CDH3: variants seen among roughly 807,000 people sequenced by gnomAD.
CDH3 encodes cadherin 3.
Under a neutral mutation model 82.0 loss-of-function variants are expected in CDH3, and 54 were observed. That is an observed-to-expected ratio of 0.66 (90% CI 0.53 to 0.83). CDH3 has a LOEUF of 0.83. Ranked by LOEUF, CDH3 falls within the 40% of genes least tolerant of loss-of-function variation. CDH3 has a pLI of 0.00. For missense variants in CDH3, 1,054 were observed against 1,084.6 expected, an observed-to-expected ratio of 0.97 and a Z score of 0.40; for synonymous variants, 446 against 437.9, an observed-to-expected ratio of 1.02 and a Z score of -0.23.
At chr16:68,681,207 A>G in intron 8 of CDH3, 111 bp downstream of exon 8, 2 of 1,217,522 alleles carry the variant, frequency 1.6e-6, no homozygotes, top group Admixed American at 1.7e-5. Context: ...TCTCAGCACT[A>G]TGGCTGTGTG....
At chr16:68,731,377 A>T (rs1466830699), downstream of CDH3, among the ~76,000 whole-genome samples, 1 of 9,160 alleles carries the variant, frequency 1.1e-4, no homozygotes, top group Non-Finnish European at 2.2e-4. Flanking sequence ...TCAAAAAAAA[A>T]AAAAAAAAAA....
intron 11 of CDH3, among the ~76,000 whole-genome samples, 180 bp downstream of exon 11, chr16:68,685,530 A>G (rs1025247713): frequency 6.6e-6 from 1 of 152,204 alleles, no homozygotes; most frequent in Non-Finnish European, 1.5e-5. Context: ...CCTAGGCCGG[A>G]TGCAGTGGCT....
rs1960037229 is a variant in CDH3 at position 68,645,711 on chromosome 16, G to GGAGGCGC, written c.123_129dup (p.Glu44ArgfsTer26). ...GGAGGCTGAAGTGACCTTGGAGGCGGGAGGCGCGGAGCAGGAGCCCGGCCA... is the reference window on the plus strand; with the variant it reads ...GGAGGCTGAAGTGACCTTGGAGGCGGGAGGCGCGAGGCGCGGAGCAGGAGCCCGGCCA... On this transcript the variant is annotated frameshift_variant, in exon 2 of 16. Transcript: ENST00000264012. LOFTEE classifies it high-confidence loss of function. 7 of 1,545,754 alleles carry GGAGGCGC rather than the reference G, an allele frequency of 4.5e-6. No individual in the cohort carries two copies. The East Asian group carries it at 1.5e-4, about 32-fold the overall frequency.
chr16:68,698,422 G>A lies in CDH3; in HGVS notation c.*22G>A, dbSNP rs769942705. Reference sequence around the variant, plus strand: ...CTAGGCGGCCTGCCTGCAGGGCTGGGGACCAAACGTCAGGCCACAGAGCAT... The same window carrying A: ...CTAGGCGGCCTGCCTGCAGGGCTGGAGACCAAACGTCAGGCCACAGAGCAT... On this transcript the variant is annotated 3_prime_UTR_variant, in exon 16 of 16. Transcript: ENST00000264012. 1.2e-6 allele frequency: 2 copies of A among 1,608,388 alleles called. No individual in the cohort carries two copies. Among genetic ancestry groups the A allele is most frequent in the Admixed American group, 3.3e-5 (2 of 60,030 alleles).
chr16:68,647,828 C>A (rs1434641094), intron 2 of CDH3, among the ~76,000 whole-genome samples: 2 of 152,050 alleles, frequency 1.3e-5, no homozygotes, highest in Non-Finnish European at 2.9e-5. Flanking sequence ...GATCCAGCCA[C>A]GTTGAAAGGG....
intron 1 of CDH3, among the ~76,000 whole-genome samples, chr16:68,715,702 C>T (rs1328393786): frequency 2.0e-5 from 3 of 152,220 alleles, no homozygotes; most frequent in Non-Finnish European, 4.4e-5. Context: ...TGCCACCCCA[C>T]AGGGAGGTCC....
At chr16:68,710,036 A>C (rs9924886) in intron 1 of CDH3, among the ~76,000 whole-genome samples, 37,527 of 152,196 alleles carry the variant, frequency 0.25, 4,721 homozygotes, top group Admixed American at 0.28. Context: ...CTGCTCTGCA[A>C]CCAGGAGGCA....
At chr16:68,712,420 G>A (rs1022823984) in intron 1 of CDH3, among the ~76,000 whole-genome samples, 10 of 152,098 alleles carry the variant, frequency 6.6e-5, no homozygotes, top group African/African-American at 1.4e-4. Context: ...ATAAAGCTAC[G>A]ATAATAGCAA....
intron 11 of CDH3, among the ~76,000 whole-genome samples, chr16:68,686,900 G>C (rs141387458): frequency 2.4e-3 from 371 of 152,328 alleles, no homozygotes; most frequent in South Asian, 5.8e-3. Context: ...CCCAGGAGGT[G>C]GTGGTTGCAG....
At chr16:68,687,797 A>T (rs887652633) in intron 12 of CDH3, 61 bp downstream of exon 12, 8 of 1,205,096 alleles carry the variant, frequency 6.6e-6, no homozygotes, top group Admixed American at 3.5e-5. Flanking sequence ...CATCTGCCCC[A>T]CACCAGGATT....
At chr16:68,731,417 TATACAC>T (rs1171388551), downstream of CDH3, among the ~76,000 whole-genome samples, 25 of 47,594 alleles carry the variant, frequency 5.3e-4, 3 homozygotes, top group African/African-American at 1.6e-3. Context: ...TATATATACA[TATACAC>T]ATATATACAC....
intron 2 of CDH3, among the ~76,000 whole-genome samples, chr16:68,657,822 C>G (rs1413614657): frequency 2.0e-5 from 3 of 152,132 alleles, no homozygotes; most frequent in Non-Finnish European, 4.4e-5. Flanking sequence ...TTGTTGAAGA[C>G]CACTTTAAAG....
chr16:68,679,715 AAAAG>A, intron 6 of CDH3, 80 bp from the exon 7 acceptor site: 1 of 815,892 alleles, frequency 1.2e-6, no homozygotes, highest in Non-Finnish European at 1.9e-6. Context: ...AAAAAAAAAA[AAAAG>A]AAAAGAAAAA....
rs753404769 is a variant in CDH3, at chr16:68,676,486, C to T, written c.246+16C>T. On this transcript the variant is annotated intron_variant, in intron 3 of 15. Transcript: ENST00000264012. ...GACAGTCCAGGTAAAATACCATGTC[C>T]ACCTGCAGGACAAAAGAAAGATGTT... 1 of 1,583,018 alleles carries T rather than the reference C, an allele frequency of 6.3e-7. No homozygotes were observed.
Position 68,691,817 on chromosome 16 carries a change from G to C in CDH3, c.1893G>C (p.Thr631=). ...LSDHGNKEQL[T]VIRATVCDCH... ...ACCATGGCAACAAAGAGCAGCTGAC[G>C]GTGATCAGGGCCACTGTGTGCGACT... is the stretch of plus-strand genomic sequence containing the variant. The change falls in exon 13 of 16, where the codon ACG becomes ACC. Residue 631 remains threonine (T), a synonymous_variant. Coordinates refer to ENST00000264012, the MANE Select transcript of CDH3 (RefSeq NM_001793.6). 1.2e-6 allele frequency: 2 copies of C among 1,614,132 alleles called. No individual in the cohort carries two copies. Among genetic ancestry groups the C allele is most frequent in the Non-Finnish European group, 1.7e-6 (2 of 1,180,012 alleles).
chr16:68,690,937 G>A (rs1961552425), intron 12 of CDH3, among the ~76,000 whole-genome samples: 1 of 152,018 alleles, frequency 6.6e-6, no homozygotes, highest in Admixed American at 6.6e-5. Context: ...TGGAAATATG[G>A]GTGTTTCATA....
chr16:68,674,597 T>C (rs752733542), intron 2 of CDH3, among the ~76,000 whole-genome samples: 1 of 151,898 alleles, frequency 6.6e-6, no homozygotes, highest in Non-Finnish European at 1.5e-5. Context: ...TAGCCGGGTA[T>C]GGTGGCATGC....
chr16:68,676,680 G>A (rs1961044191), intron 3 of CDH3, among the ~76,000 whole-genome samples: 1 of 152,194 alleles, frequency 6.6e-6, no homozygotes. Flanking sequence ...TGGTGCCTGA[G>A]GTCAGGCCAG....
intron 13 of CDH3, among the ~76,000 whole-genome samples, chr16:68,692,843 A>C (rs561947411): frequency 2.6e-5 from 4 of 152,298 alleles, no homozygotes. Context: ...AGTGGCTCAC[A>C]CTTGTAATCC....
Sources: allele counts gnomAD v4.1 joint callset (sites outside exome capture counted in the v4.1 genomes callset), GRCh38; gene constraint gnomAD v4.1.1; transcripts MANE v1.5; gene names NCBI Gene and HGNC (gene_info 2026-07-23, HGNC 2026-07-21).